UBQLN1: variants seen among roughly 807,000 people sequenced by gnomAD.
UBQLN1 encodes ubiquilin-1.
Under a neutral mutation model 65.4 loss-of-function variants are expected in UBQLN1, and 13 were observed. That is an observed-to-expected ratio of 0.20 (90% confidence interval 0.13 to 0.32). The LOEUF is 0.32. UBQLN1 is among the 10% of genes least tolerant of loss of function. UBQLN1 has a pLI of 1.00. For synonymous variants in UBQLN1, 267 were observed against 247.8 expected (o/e 1.08, Z -0.73); for missense variants, 561 against 724.0 (o/e 0.77, Z 2.58).
chr9:83,688,231 A>G (rs1324100141), intron 1 of UBQLN1, among the ~76,000 whole-genome samples: 2 of 152,210 alleles, frequency 1.3e-5, no homozygotes, highest in Non-Finnish European at 2.9e-5. Flanking sequence ...CTTAATACTC[A>G]ACAATTTTTC....
Position 83,661,893 on chromosome 9 carries a change from C to T in UBQLN1, c.1664G>A (p.Ser555Asn). ...TTCACGGTTCAAAAATCCCATTGCA[C>T]TGAGTTGTTCCAGTTGTTGCTGAAA... Reference protein sequence around the residue: ...VRFQQQLEQLSAMGFLNREAN... With the variant: ...VRFQQQLEQLNAMGFLNREAN... The change falls in exon 11 of 11, where the codon AGT becomes AAT. Residue 555 changes from serine to asparagine, a missense_variant. This residue lies in a region of UBQLN1 where 21 missense variants were observed against 55.7 expected (regional missense o/e 0.38). Coordinates refer to ENST00000376395, the MANE Select transcript of UBQLN1 (RefSeq NM_013438.5). 1 of 1,613,946 alleles carries T rather than the reference C, an allele frequency of 6.2e-7. No individual in the cohort carries two copies. The highest frequency in any genetic ancestry group is 1.1e-5 in the South Asian group (1 of 91,060).
intron 1 of UBQLN1, 76 bp from the exon 2 acceptor site, chr9:83,686,231 A>C: frequency 7.2e-6 from 7 of 968,114 alleles, no homozygotes; most frequent in Non-Finnish European, 1.0e-5. Context: ...CAGGTACCTC[A>C]TAGAGGCCCC....
At chr9:83,703,010 A>G (rs1193767743) in intron 1 of UBQLN1, among the ~76,000 whole-genome samples, 1 of 152,278 alleles carries the variant, frequency 6.6e-6, no homozygotes, top group African/African-American at 2.4e-5. Context: ...AAATCCCAGA[A>G]TAAGCTAATT....
intron 1 of UBQLN1, among the ~76,000 whole-genome samples, chr9:83,705,077 A>G (rs1394231836): frequency 1.6e-4 from 25 of 152,144 alleles, no homozygotes; most frequent in Non-Finnish European, 2.9e-5. Context: ...GAGAGCTTTA[A>G]AACTTAATAT....
At chr9:83,693,466 A>AT (rs35505951) in intron 1 of UBQLN1, among the ~76,000 whole-genome samples, 7 of 150,330 alleles carry the variant, frequency 4.7e-5, no homozygotes, top group East Asian at 2.0e-4. Context: ...TCTTTTTCTT[A>AT]TTTTTTTTTT....
At chr9:83,691,049 A>C (rs1263619427) in intron 1 of UBQLN1, among the ~76,000 whole-genome samples, 1 of 151,468 alleles carries the variant, frequency 6.6e-6, no homozygotes, top group African/African-American at 2.4e-5. Context: ...AAGGCACGAG[A>C]ATCACTTGAA....
intron 1 of UBQLN1, among the ~76,000 whole-genome samples, chr9:83,705,644 AGAGT>A (rs1832390337): frequency 6.6e-6 from 1 of 152,250 alleles, no homozygotes; most frequent in Admixed American, 6.5e-5. Context: ...GAAAGATAAA[AGAGT>A]AAGACCACAA....
At chr9:83,666,230 C>T in intron 8 of UBQLN1, 120 bp downstream of exon 8, 1 of 847,794 alleles carries the variant, frequency 1.2e-6, no homozygotes, top group Non-Finnish European at 1.9e-6. Flanking sequence ...GAATTGACAG[C>T]ATTATTGGTC....
chr9:83,696,050 C>T (rs1832209730), intron 1 of UBQLN1, among the ~76,000 whole-genome samples: 1 of 152,192 alleles, frequency 6.6e-6, no homozygotes, highest in East Asian at 1.9e-4. Context: ...AGCGATTCTC[C>T]TGCCTCAGCC....
rs1229120927 is a variant in UBQLN1, at chr9:83,660,004, A to G, written c.*1783T>C. 1 of 152,250 alleles carries G rather than the reference A, an allele frequency of 6.6e-6. No homozygotes were observed. The highest frequency in any genetic ancestry group is 2.4e-5 in the African/African-American group (1 of 41,452). The allele number at this position is 152,250 out of a possible 1,614,324, so 9.4% of individuals were successfully genotyped here. A position where few individuals can be genotyped will look rare whatever the true frequency, so the allele number is the denominator to read the frequency against. ...GAGATTTATTGTTATTTTATGATTA[A>G]TAAATTGTCAAATTAGTTATGACAC... On this transcript the variant is annotated 3_prime_UTR_variant, in exon 11 of 11. Transcript: ENST00000376395.
chr9:83,666,546 G>A (rs1410832706), intron 7 of UBQLN1, 113 bp from the exon 8 acceptor site: 1 of 921,384 alleles, frequency 1.1e-6, no homozygotes. Flanking sequence ...AAGGGAGGAA[G>A]GTAGAACATA....
intron 1 of UBQLN1, among the ~76,000 whole-genome samples, chr9:83,698,123 C>T (rs1024541063): frequency 2.6e-5 from 4 of 152,236 alleles, no homozygotes; most frequent in Middle Eastern, 3.4e-3. Flanking sequence ...TGCATCATGC[C>T]TTATAAATCA....
intron 9 of UBQLN1, among the ~76,000 whole-genome samples, chr9:83,664,442 A>G (rs1401735511): frequency 6.6e-6 from 1 of 151,972 alleles, no homozygotes. Flanking sequence ...AAATAATAAT[A>G]ATCATTTTTA....
chr9:83,682,824 GT>G (rs545821772), intron 3 of UBQLN1, 126 bp downstream of exon 3: 4,400 of 408,438 alleles, frequency 0.011, 1 homozygote, highest in South Asian at 0.012. Flanking sequence ...AGGAATGTAT[GT>G]TTTTTTTTTT....
chr9:83,664,104 A>C, intron 9 of UBQLN1, 61 bp from the exon 10 acceptor site: 4 of 1,534,588 alleles, frequency 2.6e-6, no homozygotes, highest in Non-Finnish European at 3.5e-6. Flanking sequence ...CCAGTCCGTA[A>C]ATCAGTTACA....
chr9:83,679,089 C>A lies in UBQLN1; in HGVS notation c.712-490G>T, dbSNP rs1020960125. Among the ~76,000 whole-genome samples the A allele has an allele frequency of 2.0e-5, 3 of 152,292 alleles. No individual in the cohort carries two copies. In the South Asian group the frequency reaches 6.2e-4, roughly 32 times the overall value. The stretch of plus-strand genomic sequence containing the variant: ...CAGACCACAACAAACCAAAATAGAG[C>A]CACTTGTGCCAAGTGCCATGTAATC... On this transcript the variant is annotated intron_variant, in intron 4 of 10. Transcript: ENST00000376395.
At position 83,707,888 on chromosome 9, in the gene UBQLN1, G is replaced by C. The variant is rs536410720; in HGVS notation, c.-209C>G. 4.7e-6 allele frequency: 3 copies of C among 638,542 alleles called. No homozygotes were observed. Among genetic ancestry groups the C allele is most frequent in the African/African-American group, 1.9e-5 (1 of 51,320 alleles). 39.6% of individuals were successfully genotyped at this position (638,542 alleles called of 1,614,324 possible). ...TGGCGCAGGCCCGGGTCAGGCGCTC[G>C]GCAGCCGCCGTGTGTTCAGGCGCCG... is the stretch of plus-strand genomic sequence containing the variant. On this transcript the variant is annotated 5_prime_UTR_variant, in exon 1 of 11. Transcript: ENST00000376395.
At chr9:83,667,486 CA>C in intron 7 of UBQLN1, 1 of 985,228 alleles carries the variant, frequency 1.0e-6, no homozygotes, top group South Asian at 4.7e-5. Flanking sequence ...AATACAATAA[CA>C]AAAGCAGATG....
chr9:83,704,676 T>C (rs1290289958), intron 1 of UBQLN1, among the ~76,000 whole-genome samples: 1 of 151,806 alleles, frequency 6.6e-6, no homozygotes, highest in Non-Finnish European at 1.5e-5. Flanking sequence ...AATAGGAAAA[T>C]TAGCCGGGTG....
Sources: allele counts gnomAD v4.1 joint callset (sites outside exome capture counted in the v4.1 genomes callset), GRCh38; gene constraint gnomAD v4.1.1; regional missense constraint gnomAD v4.1.1; transcripts MANE v1.5; gene names NCBI Gene and HGNC (gene_info 2026-07-23, HGNC 2026-07-21).